DDX60L: variants seen among roughly 807,000 people sequenced by gnomAD.
DDX60L encodes the protein DExD/H-box 60 like.
DDX60L carries 191 observed loss-of-function variants against 211.6 expected under a neutral mutation model. The observed-to-expected ratio is 0.90, with a 90% CI of 0.80 to 1.02. DDX60L has a LOEUF of 1.02. DDX60L is among the 50% of genes least tolerant of loss of function. The pLI is 0.00. For synonymous variants in DDX60L, 706 were observed against 694.1 expected (o/e 1.02, Z -0.27); for missense variants, 2,007 against 1,984.1 (o/e 1.01, Z -0.22).
chr4:168,387,996 C>T (rs1399146884), intron 29 of DDX60L, among the ~76,000 whole-genome samples: 2 of 152,164 alleles, frequency 1.3e-5, no homozygotes, highest in African/African-American at 4.8e-5. Context: ...ATCATGGTTT[C>T]CATTATACCA....
intron 26 of DDX60L, 24 bp from the exon 27 acceptor site, chr4:168,396,148 ACTTTT>A (rs765993340): frequency 1.2e-5 from 16 of 1,340,482 alleles, no homozygotes; most frequent in Middle Eastern, 2.7e-4. Flanking sequence ...AAAAAAAAAA[ACTTTT>A]AAGTAATGAA....
At chr4:168,427,387 G>A in intron 13 of DDX60L, 65 bp from the exon 14 acceptor site, 1 of 1,537,714 alleles carries the variant, frequency 6.5e-7, no homozygotes, top group Non-Finnish European at 8.8e-7. Context: ...TTTCACTAGT[G>A]AGATTATTTT....
intron 30 of DDX60L, 76 bp from the exon 31 acceptor site, chr4:168,379,906 CAT>C: frequency 2.0e-6 from 2 of 1,012,294 alleles, no homozygotes; most frequent in Non-Finnish European, 2.9e-6. Context: ...AAATAGTACA[CAT>C]ACATACTATA....
At chr4:168,381,006 T>A (rs758944842) in intron 30 of DDX60L, among the ~76,000 whole-genome samples, 4 of 152,188 alleles carry the variant, frequency 2.6e-5, no homozygotes, top group Non-Finnish European at 5.9e-5. Flanking sequence ...ATTTAGGGTA[T>A]GTGGCAGAAA....
intron 29 of DDX60L, among the ~76,000 whole-genome samples, chr4:168,388,305 A>C (rs576633852): frequency 2.0e-5 from 3 of 152,354 alleles, no homozygotes; most frequent in South Asian, 4.1e-4. Context: ...AGTCTCTAAG[A>C]GGAAGAAGGA....
At chr4:168,437,045 G>A (rs546718052) in intron 10 of DDX60L, among the ~76,000 whole-genome samples, 7 of 152,256 alleles carry the variant, frequency 4.6e-5, no homozygotes, top group African/African-American at 7.2e-5. Flanking sequence ...ATACTACCAT[G>A]CCATGTGATT....
At position 168,473,066 on chromosome 4, in the gene DDX60L, G is replaced by C. The variant is rs919300235; in HGVS notation, c.-110-257C>G. 2.0e-5 allele frequency among the ~76,000 whole-genome samples: 3 copies of C among 152,212 alleles called. No homozygotes were observed. In the South Asian group the frequency reaches 6.2e-4, roughly 32 times the overall value. The stretch of plus-strand genomic sequence containing the variant: ...ATAGTTAATTTGCCCCCCAAAAAAA[G>C]CAATAAAAAGTATTCTTGGCAAACA... On this transcript the variant is annotated intron_variant, in intron 1 of 37. Transcript: ENST00000682922.
intron 22 of DDX60L, among the ~76,000 whole-genome samples, chr4:168,407,206 C>T (rs753414904): frequency 9.9e-5 from 15 of 152,122 alleles, no homozygotes; most frequent in African/African-American, 1.7e-4. Flanking sequence ...ATACAAGAGC[C>T]GGATCAAGTT....
intron 17 of DDX60L, among the ~76,000 whole-genome samples, chr4:168,421,192 G>C (rs1407112333): frequency 6.6e-6 from 1 of 151,718 alleles, no homozygotes; most frequent in Non-Finnish European, 1.5e-5. Context: ...AAAGGGGAGA[G>C]AGAAAGAAAG....
At chr4:168,415,082 T>C (rs954074752) in intron 22 of DDX60L, among the ~76,000 whole-genome samples, 3 of 151,838 alleles carry the variant, frequency 2.0e-5, no homozygotes, top group Non-Finnish European at 4.4e-5. Context: ...AGGTAATGGA[T>C]ACATAATTAC....
chr4:168,394,745 C>A, intron 27 of DDX60L, 128 bp from the exon 28 acceptor site: 1 of 768,800 alleles, frequency 1.3e-6, no homozygotes, highest in Non-Finnish European at 2.0e-6. Context: ...TGCCCTTTGA[C>A]CCTGAACCTA....
chr4:168,449,502 T>C (rs1174892565), intron 8 of DDX60L, among the ~76,000 whole-genome samples: 37 of 133,266 alleles, frequency 2.8e-4, no homozygotes, highest in Non-Finnish European at 4.7e-4. Flanking sequence ...CATTGGGAGA[T>C]ATACCTAATG....
chr4:168,446,024 G>T (rs1053745991), intron 9 of DDX60L, among the ~76,000 whole-genome samples: 4 of 148,402 alleles, frequency 2.7e-5, no homozygotes, highest in African/African-American at 1.0e-4. Context: ...TGGAAGTTCT[G>T]GCCAGGGCAA....
chr4:168,453,376 T>A, intron 7 of DDX60L, 94 bp from the exon 8 acceptor site: 1 of 1,315,246 alleles, frequency 7.6e-7, no homozygotes, highest in Non-Finnish European at 1.0e-6. Context: ...CTTCAAAGTT[T>A]TACATCTACA....
intron 18 of DDX60L, 107 bp from the exon 19 acceptor site, chr4:168,419,504 T>A: frequency 1.6e-6 from 1 of 630,560 alleles, no homozygotes; most frequent in Non-Finnish European, 2.5e-6. Flanking sequence ...GCAGTTTCAT[T>A]AAGATAATAT....
Position 168,371,744 on chromosome 4 carries a change from C to A in DDX60L, c.4796G>T (p.Gly1599Val). The A allele has an allele frequency of 6.2e-7, 1 of 1,605,606 alleles. No individual in the cohort carries two copies. The highest frequency in any genetic ancestry group is 1.1e-5 in the South Asian group (1 of 90,068). ...TINQVILRTV[G>V]VSGTQAPLLW... ...CAGAGGAGCCTGAGTGCCACTAACA[C>A]CGACTGTGCGCAGGATGACCTGAAG... Residue 1599 changes from glycine to valine, a missense_variant, in exon 36 of 38, where the codon GGT (glycine) becomes GTT (valine). By Grantham distance (109) the Gly-to-Val change is moderately radical. Coordinates refer to ENST00000682922, the MANE Select transcript of DDX60L (RefSeq NM_001012967.3).
intron 14 of DDX60L, among the ~76,000 whole-genome samples, chr4:168,425,726 T>C (rs558176631): frequency 1.3e-5 from 2 of 152,002 alleles, no homozygotes; most frequent in South Asian, 2.1e-4. Flanking sequence ...CTAAGATCAC[T>C]CTACTGCACT....
Position 168,388,536 on chromosome 4 carries a change from A to T in DDX60L, c.3915+3004T>A, listed in dbSNP as rs1181196833. Among the ~76,000 whole-genome samples the T allele has an allele frequency of 3.9e-5, 6 of 152,364 alleles. No homozygotes were observed. The East Asian group carries it at 1.2e-3, about 29-fold the overall frequency. On this transcript the variant is annotated intron_variant, in intron 29 of 37. Coordinates refer to ENST00000682922, the MANE Select transcript of DDX60L (RefSeq NM_001012967.3). ...CAGTTCTGAGTGGTGTACATTTTTC[A>T]GTTAGTCCTCATAATAACTTTCTAA...
chr4:168,369,415 AT>A (rs992518843), intron 36 of DDX60L, among the ~76,000 whole-genome samples: 2 of 151,846 alleles, frequency 1.3e-5, no homozygotes, highest in Non-Finnish European at 2.9e-5. Flanking sequence ...TTCTTTTTAA[AT>A]TGCCCAGTCT....
Sources: allele counts gnomAD v4.1 joint callset (sites outside exome capture counted in the v4.1 genomes callset), GRCh38; gene constraint gnomAD v4.1.1; transcripts MANE v1.5; gene names NCBI Gene and HGNC (gene_info 2026-07-23, HGNC 2026-07-21).